SGPP2: variants seen among roughly 807,000 people sequenced by gnomAD.
SGPP2 encodes the protein sphingosine 1-phosphate phosphohydrolase 2.
In SGPP2, 30 loss-of-function variants were observed where a neutral mutation model predicts 33.9. The observed-to-expected ratio is 0.89, with a 90% CI of 0.66 to 1.20. The LOEUF (loss-of-function observed/expected upper bound fraction) is 1.20, where lower values mean the gene tolerates loss of function less well. Ranked by LOEUF, SGPP2 falls within the 50% of genes most tolerant of loss-of-function variation. The pLI is 0.00. For missense variants in SGPP2, 458 were observed against 532.1 expected, an observed-to-expected ratio of 0.86 and a Z score of 1.37; for synonymous variants, 233 against 225.0, an observed-to-expected ratio of 1.04 and a Z score of -0.32.
Position 222,515,917 on chromosome 2 carries a change from G to A in SGPP2, c.379-5850G>A, listed in dbSNP as rs550017685. 2.9e-3 allele frequency among the ~76,000 whole-genome samples: 434 copies of A among 152,106 alleles called. 3 individuals carry two copies. Among genetic ancestry groups the A allele is most frequent in the Non-Finnish European group, 2.4e-3 (166 of 68,016 alleles). ...ACAAAAAGTATCCAGGTGTGGTAGC[G>A]CGTGACTGTAGTCCCAGCTATTTGG... On this transcript the variant is annotated intron_variant, in intron 2 of 4. Coordinates refer to ENST00000321276, the MANE Select transcript of SGPP2 (RefSeq NM_152386.4).
chr2:222,544,372 C>A (rs1182112798), intron 4 of SGPP2, among the ~76,000 whole-genome samples: 1 of 152,132 alleles, frequency 6.6e-6, no homozygotes, highest in Non-Finnish European at 1.5e-5. Flanking sequence ...TAAATAAAGT[C>A]ATAGAGTGGA....
At chr2:222,426,003 G>A (rs909603702) in intron 1 of SGPP2, among the ~76,000 whole-genome samples, 5 of 151,974 alleles carry the variant, frequency 3.3e-5, no homozygotes, top group African/African-American at 9.6e-5. Context: ...CTATAGATGA[G>A]TATGAGAACC....
chr2:222,448,699 A>C (rs1697432971), intron 1 of SGPP2, among the ~76,000 whole-genome samples: 1 of 152,234 alleles, frequency 6.6e-6, no homozygotes, highest in African/African-American at 2.4e-5. Context: ...CAGAAGTCTC[A>C]AATTCACAAG....
chr2:222,526,551 C>T (rs1698761516), intron 4 of SGPP2, among the ~76,000 whole-genome samples: 2 of 152,182 alleles, frequency 1.3e-5, no homozygotes, highest in Non-Finnish European at 2.9e-5. Context: ...GAATGAAGAA[C>T]TCTTGGGTTC....
At chr2:222,513,947 A>G (rs1248644498) in intron 2 of SGPP2, among the ~76,000 whole-genome samples, 3 of 152,202 alleles carry the variant, frequency 2.0e-5, no homozygotes, top group African/African-American at 4.8e-5. Context: ...TGGACATTCT[A>G]TATAAATGGA....
In SGPP2 at chr2:222,520,848, T is replaced by C. The variant is rs62186148; in HGVS notation, c.379-919T>C. The stretch of plus-strand genomic sequence containing the variant: ...GGACTTTGCTCACTGCAGCCTTGAC[T>C]TCCTGGGCTCAAGCAATCCTCCCAC... On this transcript the variant is annotated intron_variant, in intron 2 of 4. Transcript: ENST00000321276. Among the ~76,000 whole-genome samples the C allele has an allele frequency of 3.7e-3, 563 of 152,026 alleles. 5 individuals carry two copies. The highest frequency in any genetic ancestry group is 6.1e-3 in the Non-Finnish European group (415 of 67,952).
intron 1 of SGPP2, among the ~76,000 whole-genome samples, chr2:222,453,609 A>G (rs1383290166): frequency 6.6e-6 from 1 of 152,170 alleles, no homozygotes; most frequent in Admixed American, 6.5e-5. Context: ...ATCTACTTTC[A>G]CTTAATCAAT....
chr2:222,497,388 G>A (rs1339762386), intron 2 of SGPP2, among the ~76,000 whole-genome samples: 1 of 151,382 alleles, frequency 6.6e-6, no homozygotes, highest in Admixed American at 6.6e-5. Flanking sequence ...CGGGTCTCCT[G>A]GGACTATGTC....
At chr2:222,469,472 C>T (rs893894896) in intron 1 of SGPP2, among the ~76,000 whole-genome samples, 6 of 152,210 alleles carry the variant, frequency 3.9e-5, no homozygotes, top group Non-Finnish European at 7.3e-5. Context: ...CATGAGCCAT[C>T]GCGCCTGGCT....
At chr2:222,444,295 T>A (rs1438539719) in intron 1 of SGPP2, among the ~76,000 whole-genome samples, 1 of 152,206 alleles carries the variant, frequency 6.6e-6, no homozygotes, top group Non-Finnish European at 1.5e-5. Context: ...AGCCATATTG[T>A]TTTCCAGGAT....
intron 1 of SGPP2, among the ~76,000 whole-genome samples, chr2:222,453,558 A>T (rs2106077962): frequency 6.6e-6 from 1 of 152,140 alleles, no homozygotes; most frequent in South Asian, 2.1e-4. Flanking sequence ...CCTTCTCCTC[A>T]GCCTACTCAA....
chr2:222,426,187 GCGACTGAGCGAGACTCCGTCTCAAAAA>G (rs1697066814), intron 1 of SGPP2, among the ~76,000 whole-genome samples: 1 of 132,790 alleles, frequency 7.5e-6, no homozygotes, highest in African/African-American at 2.8e-5. Context: ...TCCAGCCAGG[GCGACTGAGCGAGACTCCGTCTCAAAAA>G]AAAAAAAAAA....
At chr2:222,536,539 G>T (rs911920017) in intron 4 of SGPP2, among the ~76,000 whole-genome samples, 7 of 152,070 alleles carry the variant, frequency 4.6e-5, no homozygotes, top group Non-Finnish European at 8.8e-5. Flanking sequence ...AATTAGCCAG[G>T]CATGGTAGCA....
intron 4 of SGPP2, among the ~76,000 whole-genome samples, chr2:222,557,531 T>C (rs528288804): frequency 6.6e-6 from 1 of 152,228 alleles, no homozygotes; most frequent in East Asian, 1.9e-4. Context: ...AAAGAATATA[T>C]GGAAACATGC....
At chr2:222,486,270 C>T (rs529926132) in intron 2 of SGPP2, among the ~76,000 whole-genome samples, 44 of 152,218 alleles carry the variant, frequency 2.9e-4, no homozygotes, top group African/African-American at 1.1e-3. Flanking sequence ...GGACATCTGC[C>T]CTCCCCCAGC....
chr2:222,454,261 C>T (rs1020233962), intron 1 of SGPP2, among the ~76,000 whole-genome samples: 5 of 152,050 alleles, frequency 3.3e-5, no homozygotes, highest in Admixed American at 2.0e-4. Flanking sequence ...AAAAAGATAA[C>T]GGGAAATATG....
intron 4 of SGPP2, among the ~76,000 whole-genome samples, chr2:222,543,322 A>G (rs1033132444): frequency 1.3e-5 from 2 of 152,216 alleles, no homozygotes; most frequent in African/African-American, 4.8e-5. Context: ...TTTAACAGAA[A>G]CATCAACTTT....
intron 1 of SGPP2, chr2:222,452,321 A>C: frequency 1.6e-6 from 1 of 627,522 alleles, no homozygotes. Flanking sequence ...GAAAAATCCT[A>C]TGAGGGAGGG....
At position 222,553,227 on chromosome 2, in the gene SGPP2, T is replaced by C. The variant is rs547174415; in HGVS notation, c.649-5120T>C. Among the ~76,000 whole-genome samples, 49 of 152,330 alleles carry C rather than the reference T, an allele frequency of 3.2e-4. 1 individual carries two copies. The South Asian group carries it at 8.7e-3, about 27-fold the overall frequency. On this transcript the variant is annotated intron_variant, in intron 4 of 4. Coordinates refer to ENST00000321276, the MANE Select transcript of SGPP2 (RefSeq NM_152386.4). Reference sequence around the variant, plus strand: ...ACTGTGTTAATACATGAAGATATTTTGGAAAGGAAGTAGCTTTTAAATTTA... The same window carrying C: ...ACTGTGTTAATACATGAAGATATTTCGGAAAGGAAGTAGCTTTTAAATTTA...
Sources: allele counts gnomAD v4.1 joint callset (sites outside exome capture counted in the v4.1 genomes callset), GRCh38; gene constraint gnomAD v4.1.1; transcripts MANE v1.5; gene names NCBI Gene and HGNC (gene_info 2026-07-23, HGNC 2026-07-21).